The following SEPTIN8 variants were observed in gnomAD, a reference collection of about 807,000 sequenced individuals.
SEPTIN8 encodes the protein septin 8, also known as septin-8.
A neutral mutation model predicts 53.1 loss-of-function variants in SEPTIN8; 22 were observed. The ratio of observed to expected loss-of-function variants is 0.41; its 90% confidence interval spans 0.30 to 0.59. SEPTIN8 has a LOEUF of 0.59. Ranked by LOEUF, SEPTIN8 falls within the 20% of genes least tolerant of loss-of-function variation. The probability of loss-of-function intolerance (pLI) is 0.24; values close to 1 mark genes in which losing one functional copy is unlikely to be tolerated. For synonymous variants in SEPTIN8, 228 were observed against 248.4 expected (o/e 0.92, Z 0.77); for missense variants, 536 against 638.7 (o/e 0.84, Z 1.73).
intron 9 of SEPTIN8, chr5:132,756,132 A>G (rs1755317440): frequency 1.0e-6 from 1 of 985,374 alleles, no homozygotes; most frequent in East Asian, 1.1e-4. Flanking sequence ...TGTTAACGTA[A>G]CAGACTAGCA....
intron 9 of SEPTIN8, among the ~76,000 whole-genome samples, chr5:132,755,056 C>T (rs1370787138): frequency 6.6e-6 from 1 of 152,144 alleles, no homozygotes; most frequent in Admixed American, 6.5e-5. Flanking sequence ...CCTCCTCCCC[C>T]TGGCTTCCTG....
At chr5:132,779,758 T>C (rs1034300658), upstream of SEPTIN8, among the ~76,000 whole-genome samples, 3 of 152,224 alleles carry the variant, frequency 2.0e-5, no homozygotes, top group Non-Finnish European at 4.4e-5. Flanking sequence ...CTTTAAAAAC[T>C]TTTTTTTAAC....
At chr5:132,769,258 C>T (rs988490773) in intron 1 of SEPTIN8, among the ~76,000 whole-genome samples, 5 of 152,182 alleles carry the variant, frequency 3.3e-5, no homozygotes, top group Non-Finnish European at 5.9e-5. Context: ...AGAGCAGGGA[C>T]CTGAGAACAG....
rs200256757 is a variant in SEPTIN8, at chr5:132,760,964, C to T, written c.1124G>A (p.Arg375Gln). 4.6e-5 allele frequency: 73 copies of T among 1,585,994 alleles called. No homozygotes were observed. Among genetic ancestry groups the T allele is most frequent in the Admixed American group, 1.1e-4 (6 of 56,322 alleles). ...ELHEKFEHLK[R>Q]VHQEEKRKVE... is the part of the protein sequence containing the mutation. Reference sequence around the variant, plus strand: ...CTTGCGCTTCTCCTCCTGGTGGACCCGCTTCAGGTGCTCAAACTTCTCATG... The same window carrying T: ...CTTGCGCTTCTCCTCCTGGTGGACCTGCTTCAGGTGCTCAAACTTCTCATG... Residue 375 changes from arginine (R) to glutamine (Q), a missense_variant, in exon 9 of 10, where the codon CGG becomes CAG. Transcript: ENST00000378719. This position sits in a 1 kb window ranked among gnomAD's most constrained non-coding sequence, Gnocchi z 5.2.
intron 1 of SEPTIN8, among the ~76,000 whole-genome samples, chr5:132,769,301 T>C (rs1756937008): frequency 6.6e-6 from 1 of 152,178 alleles, no homozygotes; most frequent in South Asian, 2.1e-4. Flanking sequence ...CTCTGCTACA[T>C]TGCCTCCCCT....
rs1351775134 is a variant in SEPTIN8 at position 132,773,346 on chromosome 5, A to G, written c.30+3762T>C. On this transcript the variant is annotated intron_variant, in intron 1 of 9. Coordinates refer to ENST00000378719, the MANE Select transcript of SEPTIN8 (RefSeq NM_001098811.2). This position sits in a 1 kb window ranked among gnomAD's most constrained non-coding sequence, Gnocchi z 4.2. ...GCTGGGGAGGCTGCAAGGGACACAC[A>G]GAGGCCAGCTGGCCCTCAGGCCCTT... 1.3e-5 allele frequency among the ~76,000 whole-genome samples: 2 copies of G among 152,232 alleles called. No individual in the cohort carries two copies. The highest frequency in any genetic ancestry group is 4.8e-5 in the African/African-American group (2 of 41,474).
intron 4 of SEPTIN8, among the ~76,000 whole-genome samples, chr5:132,762,889 TC>T (rs1336323359): frequency 6.6e-6 from 1 of 152,134 alleles, no homozygotes; most frequent in East Asian, 1.9e-4. Context: ...CAAATCACCA[TC>T]CAGCCCCAAA....
At position 132,766,976 on chromosome 5, in the gene SEPTIN8, A is replaced by C. The variant is rs192707146; in HGVS notation, c.31-1447T>G. On this transcript the variant is annotated intron_variant, in intron 1 of 9. Transcript: ENST00000378719. ...AGCAGCCTTGCATCAACGACTCCCAAGTGTGGGTGCTGGCAACCTAGACCC... is the reference window on the plus strand; with the variant it reads ...AGCAGCCTTGCATCAACGACTCCCACGTGTGGGTGCTGGCAACCTAGACCC... 6.6e-5 allele frequency among the ~76,000 whole-genome samples: 10 copies of C among 152,192 alleles called. No homozygotes were observed. The East Asian group carries it at 1.2e-3, about 18-fold the overall frequency.
At chr5:132,771,458 G>A (rs990697830) in intron 1 of SEPTIN8, among the ~76,000 whole-genome samples, 1 of 152,174 alleles carries the variant, frequency 6.6e-6, no homozygotes, top group African/African-American at 2.4e-5. Flanking sequence ...CAGTGCCTTG[G>A]ACTTTGGATG....
chr5:132,760,858 CGA>C lies in SEPTIN8; in HGVS notation c.1228_1229del (p.Ser410AlafsTer36). Reference protein sequence around the residue: ...RRKAAVEALQSQALHATSQQP... With the variant: ...RRKAAVEALQXQALHATSQQP... ...GCTGCGAGGTGGCGTGCAAGGCCTG[CGA>C]CTGCAGGGCCTCCACCGCAGCCTTC... On this transcript the variant is annotated frameshift_variant, in exon 9 of 10. Transcript: ENST00000378719. LOFTEE classifies it high-confidence loss of function. The surrounding 1 kb of genome is among the most constrained non-coding windows in gnomAD (Gnocchi z 5.2). 1.9e-6 allele frequency: 3 copies of C among 1,613,776 alleles called. No homozygotes were observed. Among genetic ancestry groups the C allele is most frequent in the East Asian group, 4.5e-5 (2 of 44,872 alleles).
chr5:132,764,550 C>G (rs544068544), intron 2 of SEPTIN8, 131 bp from the exon 3 acceptor site: 2 of 661,606 alleles, frequency 3.0e-6, no homozygotes, highest in African/African-American at 3.6e-5. Context: ...GCAGGCCGCC[C>G]ACCCCATCCC....
chr5:132,759,880 G>A (rs1359245187), intron 9 of SEPTIN8, among the ~76,000 whole-genome samples: 1 of 152,120 alleles, frequency 6.6e-6, no homozygotes, highest in African/African-American at 2.4e-5. Flanking sequence ...TCCAGCTAAG[G>A]GTGTGGAAAC....
chr5:132,756,084 G>A, intron 9 of SEPTIN8: 1 of 985,412 alleles, frequency 1.0e-6, no homozygotes, highest in Non-Finnish European at 1.2e-6. Context: ...GAATGCAGGA[G>A]TAAATGAATT....
chr5:132,758,285 T>C (rs1755530326), intron 9 of SEPTIN8: 1 of 1,339,440 alleles, frequency 7.5e-7, no homozygotes, highest in Non-Finnish European at 9.5e-7. Context: ...AGGATATTAT[T>C]TGTCTTGACG....
At chr5:132,764,072 A>G in intron 3 of SEPTIN8, 152 bp downstream of exon 3, 1 of 938,988 alleles carries the variant, frequency 1.1e-6, no homozygotes, top group Admixed American at 2.8e-5. Context: ...CACCTAAAGG[A>G]GTAACTGGTC....
upstream of SEPTIN8, chr5:132,777,904 A>G (rs1757939002): frequency 1.0e-6 from 1 of 985,374 alleles, no homozygotes; most frequent in Admixed American, 6.1e-5. This position sits in a 1 kb window ranked among gnomAD's most constrained non-coding sequence, Gnocchi z 4.1. Context: ...CCTGCAATAG[A>G]AAAGCGGAGC....
chr5:132,771,726 C>T lies in SEPTIN8; in HGVS notation c.30+5382G>A, dbSNP rs1374366755. On this transcript the variant is annotated intron_variant, in intron 1 of 9. Coordinates refer to ENST00000378719, the MANE Select transcript of SEPTIN8 (RefSeq NM_001098811.2). Reference sequence around the variant, plus strand: ...CCAGAGCAGAGGCCTCTAGCCAGAACCCGTGGTCGCGGTCATAAGCACAAC... The same window carrying T: ...CCAGAGCAGAGGCCTCTAGCCAGAATCCGTGGTCGCGGTCATAAGCACAAC... Among the ~76,000 whole-genome samples the T allele has an allele frequency of 8.0e-4, 122 of 152,224 alleles. 2 individuals carry two copies. Among genetic ancestry groups the T allele is most frequent in the Admixed American group, 8.0e-3 (122 of 15,288 alleles).
chr5:132,773,066 G>T lies in SEPTIN8; in HGVS notation c.30+4042C>A, dbSNP rs1391404609. Among the ~76,000 whole-genome samples the T allele has an allele frequency of 6.6e-6, 1 of 152,176 alleles. No individual in the cohort carries two copies. The highest frequency in any genetic ancestry group is 6.5e-5 in the Admixed American group (1 of 15,280). On this transcript the variant is annotated intron_variant, in intron 1 of 9. Transcript: ENST00000378719. This position sits in a 1 kb window ranked among gnomAD's most constrained non-coding sequence, Gnocchi z 4.2. ...TGCACGCAGAGCCAAGATGCCCCCT[G>T]CCCCGTCCTCCGCTGCCTCTTCCCA...
chr5:132,756,747 C>G (rs988254454), intron 9 of SEPTIN8: 3 of 985,436 alleles, frequency 3.0e-6, no homozygotes, highest in Non-Finnish European at 3.6e-6. Flanking sequence ...GGCTTAGGCC[C>G]GCAGGCAGCC....
Sources: gnomAD v4.1 joint callset for allele counts (sites outside exome capture counted in the v4.1 genomes callset) on GRCh38, gnomAD v4.1.1 for gene constraint, Gnocchi (gnomAD v3.1) non-coding constraint, MANE v1.5 for transcripts, NCBI Gene and HGNC (gene_info 2026-07-23, HGNC 2026-07-21) for gene names.